The following ATP10B variants were observed in gnomAD, a reference collection of about 807,000 sequenced individuals.
ATP10B encodes the protein ATPase phospholipid transporting 10B (putative).
Under a neutral mutation model 141.2 loss-of-function variants are expected in ATP10B, and 122 were observed. That is an observed-to-expected ratio of 0.86 (90% CI 0.75 to 1.00). The LOEUF is 1.00. ATP10B is among the 50% of genes least tolerant of loss of function. The pLI, the probability that ATP10B is intolerant of heterozygous loss-of-function variation, is 0.00. For missense variants in ATP10B, 1,876 were observed against 1,825.3 expected, an observed-to-expected ratio of 1.03 and a Z score of -0.51; for synonymous variants, 685 against 692.0, an observed-to-expected ratio of 0.99 and a Z score of 0.16.
At position 160,634,454 on chromosome 5, in the gene ATP10B, G is replaced by T. The variant is rs764930244; in HGVS notation, c.1281C>A (p.Ile427=). The T allele has an allele frequency of 5.6e-6, 9 of 1,614,044 alleles. No homozygotes were observed. The South Asian group carries it at 9.9e-5, about 18-fold the overall frequency. ...ALNIAEDLGQ[I]QYIFSDKTGT... ...CCGTCTTATCGGAGAAGATGTACTG[G>T]ATCTGGCCCAAGTCCTCTGCGATGT... Residue 427 remains isoleucine, a synonymous_variant, in exon 12 of 26, where the codon ATC becomes ATA. Transcript: ENST00000327245.
intron 24 of ATP10B, among the ~76,000 whole-genome samples, chr5:160,569,914 G>A (rs559978476): frequency 6.6e-6 from 1 of 152,190 alleles, no homozygotes; most frequent in African/African-American, 2.4e-5. Flanking sequence ...CCCTGCTTTT[G>A]GTGATAATTT....
At chr5:160,696,724 T>TAAC (rs941825482) in intron 3 of ATP10B, among the ~76,000 whole-genome samples, 4 of 152,000 alleles carry the variant, frequency 2.6e-5, no homozygotes, top group Non-Finnish European at 5.9e-5. Context: ...GTCAAAACAA[T>TAAC]AACAACAACA....
rs570066292 is a variant in ATP10B at position 160,565,837 on chromosome 5, A to G, written c.4002T>C (p.Ile1334=). 2.3e-4 allele frequency: 379 copies of G among 1,613,970 alleles called. 5 individuals are homozygous for G. In the South Asian group the frequency reaches 4.0e-3, roughly 17 times the overall value. ...TTCTTTTGTCTGGGGGGAGTTTGTC[A>G]ATTTTCTGAGCTTTTGAGATTAGAG... ...GKSLISKAQK[I]DKLPPDKRNL... is the part of the protein sequence containing the mutation. The change falls in exon 26 of 26, where the codon ATT becomes ATC. Residue 1334 remains isoleucine (I), a synonymous_variant. Transcript: ENST00000327245.
At chr5:160,616,067 C>T in intron 16 of ATP10B, 103 bp from the exon 17 acceptor site, 1 of 1,256,822 alleles carries the variant, frequency 8.0e-7, no homozygotes, top group Non-Finnish European at 1.1e-6. Flanking sequence ...GTTTGAACTT[C>T]CCTACATAAT....
At chr5:160,926,807 G>T in the ATP10B span, among the ~76,000 whole-genome samples, 9 of 152,212 alleles carry the variant, frequency 5.9e-5, no homozygotes, top group Non-Finnish European at 1.0e-4. Context: ...ATCCTGCCTA[G>T]AAGTCACTTC....
chr5:160,811,979 CCA>C (rs1360685025), intron 1 of ATP10B, among the ~76,000 whole-genome samples: 1 of 150,032 alleles, frequency 6.7e-6, no homozygotes, highest in African/African-American at 2.4e-5. Flanking sequence ...ACCCCCAGCT[CCA>C]GACAGCTCTG....
At chr5:160,678,261 C>T (rs1211024729) in intron 6 of ATP10B, among the ~76,000 whole-genome samples, 1 of 152,154 alleles carries the variant, frequency 6.6e-6, no homozygotes, top group African/African-American at 2.4e-5. Flanking sequence ...AACTATAGAA[C>T]TAGCAATTCC....
the ATP10B span, among the ~76,000 whole-genome samples, chr5:160,886,461 T>C: frequency 1.2e-4 from 18 of 152,118 alleles, no homozygotes; most frequent in Admixed American, 1.2e-3. Flanking sequence ...TGTGTGTGTT[T>C]GTATTGGTGA....
chr5:160,720,281 G>A (rs1765913896), intron 2 of ATP10B, among the ~76,000 whole-genome samples: 1 of 152,150 alleles, frequency 6.6e-6, no homozygotes, highest in Non-Finnish European at 1.5e-5. Flanking sequence ...TCCAAAATAT[G>A]TGCTTTTGCA....
chr5:160,878,264 G>T, the ATP10B span, among the ~76,000 whole-genome samples: 55 of 151,354 alleles, frequency 3.6e-4, no homozygotes, highest in African/African-American at 1.3e-3. Flanking sequence ...ACAAACCTGA[G>T]AAAAACAAGC....
At chr5:160,709,871 T>C (rs1327365558) in intron 3 of ATP10B, among the ~76,000 whole-genome samples, 1 of 112,638 alleles carries the variant, frequency 8.9e-6, no homozygotes, top group Non-Finnish European at 1.8e-5. Flanking sequence ...TTTGGTTTTT[T>C]GTTCTTGCGA....
At chr5:160,575,834 T>C (rs1451595593) in intron 24 of ATP10B, among the ~76,000 whole-genome samples, 1 of 152,206 alleles carries the variant, frequency 6.6e-6, no homozygotes, top group African/African-American at 2.4e-5. Context: ...AATTGAGCTA[T>C]AATAAGCCTA....
intron 1 of ATP10B, among the ~76,000 whole-genome samples, chr5:160,851,370 TTTTA>T (rs1305916028): frequency 6.6e-6 from 1 of 152,104 alleles, no homozygotes. Context: ...CATGGGGCTT[TTTTA>T]TTTTTTTTCT....
intron 1 of ATP10B, among the ~76,000 whole-genome samples, chr5:160,811,744 G>A (rs990066110): frequency 8.5e-5 from 13 of 152,144 alleles, no homozygotes; most frequent in African/African-American, 3.1e-4. Flanking sequence ...CAGTATCTCT[G>A]GACCCACCAA....
chr5:160,785,485 T>C (rs2127894031), intron 2 of ATP10B, 74 bp downstream of exon 2: 1 of 403,320 alleles, frequency 2.5e-6, no homozygotes, highest in South Asian at 1.9e-5. Context: ...TGCAAGTTTA[T>C]TTCATGGGTA....
chr5:160,720,728 A>G (rs1383898217), intron 2 of ATP10B, among the ~76,000 whole-genome samples: 1 of 152,156 alleles, frequency 6.6e-6, no homozygotes, highest in Non-Finnish European at 1.5e-5. Context: ...AGCTCAAACC[A>G]TCCTTTCCTC....
At chr5:160,786,543 C>A (rs1480209108) in intron 1 of ATP10B, among the ~76,000 whole-genome samples, 1 of 152,090 alleles carries the variant, frequency 6.6e-6, no homozygotes. Flanking sequence ...ATTCAAGACT[C>A]CTATTCAACG....
At chr5:160,842,473 A>G (rs1775868302) in intron 1 of ATP10B, among the ~76,000 whole-genome samples, 2 of 152,102 alleles carry the variant, frequency 1.3e-5, no homozygotes, top group Non-Finnish European at 2.9e-5. Context: ...AAGAAGGTCA[A>G]TATAAAAAAT....
intron 1 of ATP10B, among the ~76,000 whole-genome samples, chr5:160,818,006 G>T (rs934060482): frequency 6.6e-6 from 1 of 152,104 alleles, no homozygotes; most frequent in South Asian, 2.1e-4. Context: ...ATTCAAGATG[G>T]ATTAAAGACT....
Sources: gnomAD v4.1 joint callset for allele counts (sites outside exome capture counted in the v4.1 genomes callset) on GRCh38, gnomAD v4.1.1 for gene constraint, MANE v1.5 for transcripts, NCBI Gene and HGNC (gene_info 2026-07-23, HGNC 2026-07-21) for gene names.